Variants in MAGI2 observed in about 807,000 individuals in gnomAD.
The protein encoded by MAGI2 is membrane-associated guanylate kinase, WW and PDZ domain-containing protein 2.
MAGI2 carries 35 observed loss-of-function variants against 133.3 expected under a neutral mutation model. The ratio of observed to expected loss-of-function variants is 0.26; its 90% CI spans 0.20 to 0.35. MAGI2 has a LOEUF of 0.35. Among genes scored for constraint, MAGI2 ranks in the 10% least tolerant of loss-of-function variants. The probability of loss-of-function intolerance (pLI) is 1.00; values close to 1 mark genes in which losing one functional copy is unlikely to be tolerated. For missense variants in MAGI2, 1,636 were observed against 1,863.4 expected, an observed-to-expected ratio of 0.88 and a Z score of 2.25; for synonymous variants, 729 against 710.6, an observed-to-expected ratio of 1.03 and a Z score of -0.41.
chr7:78,761,462 T>G (rs1194888139), intron 2 of MAGI2, among the ~76,000 whole-genome samples: 1 of 150,490 alleles, frequency 6.6e-6, no homozygotes, highest in Non-Finnish European at 1.5e-5. Flanking sequence ...ATATGTAGAT[T>G]CTGATTTTTT....
intron 2 of MAGI2, among the ~76,000 whole-genome samples, chr7:78,650,405 T>C (rs2151012231): frequency 6.6e-6 from 1 of 152,238 alleles, no homozygotes; most frequent in East Asian, 1.9e-4. Context: ...AAGTCTTTCT[T>C]ATGTGGGAGT....
At chr7:78,748,599 AT>A (rs1280531798) in intron 2 of MAGI2, among the ~76,000 whole-genome samples, 9 of 152,326 alleles carry the variant, frequency 5.9e-5, no homozygotes. Context: ...CCTTAATTAA[AT>A]TACAAACCAT....
chr7:78,888,649 C>G (rs1289493526), intron 2 of MAGI2, among the ~76,000 whole-genome samples: 1 of 152,216 alleles, frequency 6.6e-6, no homozygotes, highest in Non-Finnish European at 1.5e-5. Flanking sequence ...CAAACTCCGA[C>G]AGACCTGCAG....
chr7:78,410,216 T>C (rs1465422144), intron 6 of MAGI2, among the ~76,000 whole-genome samples: 4 of 152,068 alleles, frequency 2.6e-5, no homozygotes, highest in East Asian at 1.9e-4. Context: ...TATTGAAATA[T>C]AGGAAATAGT....
At chr7:79,267,147 A>G (rs549268119) in intron 1 of MAGI2, among the ~76,000 whole-genome samples, 194 of 152,278 alleles carry the variant, frequency 1.3e-3, no homozygotes, top group African/African-American at 4.5e-3. Flanking sequence ...CCTGCCTTTA[A>G]GAACCCTTGC....
intron 3 of MAGI2, among the ~76,000 whole-genome samples, chr7:78,530,159 C>T (rs1043897959): frequency 6.6e-6 from 1 of 152,044 alleles, no homozygotes; most frequent in African/African-American, 2.4e-5. Flanking sequence ...AACAATAAAC[C>T]GAACATCTCT....
intron 1 of MAGI2, among the ~76,000 whole-genome samples, chr7:79,148,148 T>G (rs530290050): frequency 1.2e-3 from 178 of 152,286 alleles, no homozygotes; most frequent in Non-Finnish European, 2.2e-3. Context: ...AGAACAGCTC[T>G]TCATGACTGC....
At chr7:78,924,445 G>A (rs1354131285) in intron 2 of MAGI2, among the ~76,000 whole-genome samples, 1 of 152,098 alleles carries the variant, frequency 6.6e-6, no homozygotes, top group African/African-American at 2.4e-5. Flanking sequence ...TGCATCTATT[G>A]AGATAATCAT....
intron 10 of MAGI2, among the ~76,000 whole-genome samples, chr7:78,211,169 T>C (rs1278548676): frequency 6.6e-6 from 1 of 152,090 alleles, no homozygotes; most frequent in Admixed American, 6.5e-5. Flanking sequence ...TTCACCTTAA[T>C]TGGGAGAGGA....
At chr7:78,524,961 CTATT>C (rs1796826323) in intron 3 of MAGI2, among the ~76,000 whole-genome samples, 1 of 151,244 alleles carries the variant, frequency 6.6e-6, no homozygotes, top group Non-Finnish European at 1.5e-5. Flanking sequence ...TTTTTTTTCC[CTATT>C]TGTCTTGTCA....
chr7:78,617,487 A>T (rs773182370), intron 3 of MAGI2: 2 of 152,090 alleles, frequency 1.3e-5, no homozygotes, highest in Non-Finnish European at 2.9e-5. Context: ...ACTATTAGTC[A>T]AGGAAGTACT....
At chr7:79,414,491 G>C (rs756102968) in intron 1 of MAGI2, 1 of 152,044 alleles carries the variant, frequency 6.6e-6, no homozygotes, top group Non-Finnish European at 1.5e-5. Context: ...GACCCGTGCT[G>C]GTGTCAGTTT....
At chr7:78,198,122 G>C (rs1208518648) in intron 11 of MAGI2, among the ~76,000 whole-genome samples, 1 of 152,180 alleles carries the variant, frequency 6.6e-6, no homozygotes, top group Non-Finnish European at 1.5e-5. Context: ...GCCTTTCCCT[G>C]TTTAGAGTTT....
At chr7:78,815,585 A>T (rs1021355315) in intron 2 of MAGI2, among the ~76,000 whole-genome samples, 2 of 151,960 alleles carry the variant, frequency 1.3e-5, no homozygotes, top group African/African-American at 4.8e-5. Context: ...TCCCAACAGC[A>T]TGTGCTTTCT....
chr7:79,196,154 C>A (rs1010809643), intron 1 of MAGI2, among the ~76,000 whole-genome samples: 7 of 151,818 alleles, frequency 4.6e-5, no homozygotes, highest in African/African-American at 1.7e-4. Context: ...GTTAGTCATT[C>A]CACAATGTAT....
At chr7:78,592,826 CTCTT>C (rs1341191300) in intron 3 of MAGI2, among the ~76,000 whole-genome samples, 1 of 77,022 alleles carries the variant, frequency 1.3e-5, no homozygotes, top group African/African-American at 4.9e-5. Flanking sequence ...ATTACTGATT[CTCTT>C]TTTTTTTTTT....
chr7:79,037,936 C>T (rs1307706915), intron 1 of MAGI2, among the ~76,000 whole-genome samples: 2 of 152,180 alleles, frequency 1.3e-5, no homozygotes, highest in African/African-American at 4.8e-5. Flanking sequence ...GAAACTTCTG[C>T]AGTCTTGTGG....
intron 6 of MAGI2, among the ~76,000 whole-genome samples, chr7:78,453,304 C>G (rs1788928655): frequency 1.3e-5 from 2 of 152,156 alleles, no homozygotes; most frequent in South Asian, 4.1e-4. Flanking sequence ...TATAATCTCA[C>G]TAATGATCAA....
At chr7:78,301,443 A>G (rs1325556620) in intron 9 of MAGI2, among the ~76,000 whole-genome samples, 1 of 152,178 alleles carries the variant, frequency 6.6e-6, no homozygotes, top group Admixed American at 6.6e-5. Context: ...TCCATCAAGT[A>G]TTTGGTGGAA....
Sources: allele counts gnomAD v4.1 joint callset (sites outside exome capture counted in the v4.1 genomes callset), GRCh38; gene constraint gnomAD v4.1.1; transcripts MANE v1.5; gene names NCBI Gene and HGNC (gene_info 2026-07-23, HGNC 2026-07-21).